Variants in LARGE1 observed in about 807,000 individuals in gnomAD.
The protein encoded by LARGE1 is LARGE xylosyl- and glucuronyltransferase 1.
Under a neutral mutation model 87.6 loss-of-function variants are expected in LARGE1, and 43 were observed. That is an observed-to-expected ratio of 0.49 (90% CI 0.38 to 0.63). The LOEUF is 0.63. Among genes scored for constraint, LARGE1 ranks in the 30% least tolerant of loss-of-function variants. The pLI is 0.00. For synonymous variants in LARGE1, 434 were observed against 394.6 expected (o/e 1.10, Z -1.18); for missense variants, 802 against 1,000.2 (o/e 0.80, Z 2.67).
At chr22:33,317,806 G>A (rs972420027) in intron 10 of LARGE1, among the ~76,000 whole-genome samples, 3 of 152,154 alleles carry the variant, frequency 2.0e-5, no homozygotes, top group African/African-American at 7.2e-5. Context: ...TTGGACTCGG[G>A]CATGTGGGGT....
chr22:33,641,079 T>G (rs1400540409), intron 3 of LARGE1, among the ~76,000 whole-genome samples: 4 of 151,134 alleles, frequency 2.6e-5, no homozygotes, highest in Non-Finnish European at 1.5e-5. Flanking sequence ...AGGGATAGAC[T>G]CCGCCTCCTC....
chr22:33,201,785 A>C (rs1178341375), intron 11 of LARGE1, among the ~76,000 whole-genome samples: 1 of 152,160 alleles, frequency 6.6e-6, no homozygotes, highest in East Asian at 1.9e-4. Flanking sequence ...CCATGAACGA[A>C]ATGGAGATCC....
At chr22:33,639,778 A>C (rs1303158050) in intron 3 of LARGE1, among the ~76,000 whole-genome samples, 3 of 152,264 alleles carry the variant, frequency 2.0e-5, no homozygotes, top group Non-Finnish European at 2.9e-5. Context: ...GCATGAGTGA[A>C]GATCAAAGGG....
intron 1 of LARGE1, among the ~76,000 whole-genome samples, chr22:33,772,634 A>C (rs1052677713): frequency 1.3e-5 from 2 of 152,110 alleles, no homozygotes; most frequent in Non-Finnish European, 2.9e-5. Context: ...CCTATGCCTC[A>C]GTAGCCCCCT....
At chr22:33,672,088 T>G (rs945467966) in intron 2 of LARGE1, among the ~76,000 whole-genome samples, 1 of 152,096 alleles carries the variant, frequency 6.6e-6, no homozygotes, top group Non-Finnish European at 1.5e-5. Context: ...AGCTACATAT[T>G]AGGTAATAAA....
chr22:33,782,569 AT>A (rs1436772700), intron 1 of LARGE1, among the ~76,000 whole-genome samples: 1 of 152,202 alleles, frequency 6.6e-6, no homozygotes, highest in Non-Finnish European at 1.5e-5. Flanking sequence ...TACTACCAAA[AT>A]AAAGAATCAA....
At chr22:33,713,388 C>T (rs2082801304) in intron 2 of LARGE1, among the ~76,000 whole-genome samples, 1 of 152,126 alleles carries the variant, frequency 6.6e-6, no homozygotes, top group Admixed American at 6.5e-5. Context: ...CCCTGCTATT[C>T]CACTAGTACA....
At chr22:33,788,526 G>A (rs2085723643) in intron 1 of LARGE1, among the ~76,000 whole-genome samples, 1 of 152,208 alleles carries the variant, frequency 6.6e-6, no homozygotes, top group Non-Finnish European at 1.5e-5. Flanking sequence ...AAGAGGACAG[G>A]AAGATGTGGG....
intron 4 of LARGE1, among the ~76,000 whole-genome samples, chr22:33,612,162 G>A (rs1204816145): frequency 6.7e-6 from 1 of 150,314 alleles, no homozygotes; most frequent in Non-Finnish European, 1.5e-5. Flanking sequence ...AGAGTGCAGT[G>A]GCATGGTCTT....
chr22:33,866,722 T>C (rs968022961), intron 1 of LARGE1, among the ~76,000 whole-genome samples: 21 of 152,206 alleles, frequency 1.4e-4, no homozygotes, highest in African/African-American at 5.1e-4. Flanking sequence ...GACACCCTTA[T>C]GGTGCACGGT....
Position 33,163,555 on chromosome 22 carries a change from C to T in LARGE1, c.*3208G>A, listed in dbSNP as rs373781800. The T allele has an allele frequency of 2.0e-5, 3 of 152,334 alleles. No individual in the cohort carries two copies. In the East Asian group the frequency reaches 5.8e-4, roughly 29 times the overall value. The allele number at this position is 152,334 out of a possible 1,614,324, so 9.4% of individuals were successfully genotyped here. On this transcript the variant is annotated 3_prime_UTR_variant, in exon 12 of 12. Coordinates refer to the LARGE1 transcript ENST00000608642. The stretch of plus-strand genomic sequence containing the variant: ...ATACAAAAATAAGACTTAATACAGA[C>T]GATGGCATGGGCTTAGTAACTACCC...
chr22:33,218,521 C>T (rs1237582661), intron 11 of LARGE1, among the ~76,000 whole-genome samples: 2 of 152,160 alleles, frequency 1.3e-5, no homozygotes, highest in East Asian at 3.9e-4. Context: ...CCCCATAACA[C>T]TCTAGCTTCT....
the LARGE1 span, among the ~76,000 whole-genome samples, chr22:33,078,512 GA>G: frequency 2.0e-5 from 3 of 152,162 alleles, no homozygotes; most frequent in Admixed American, 1.3e-4. Flanking sequence ...TCGAGGCACA[GA>G]AAAATAAGTT....
At chr22:33,566,657 G>A (rs2078036260) in intron 5 of LARGE1, among the ~76,000 whole-genome samples, 1 of 152,190 alleles carries the variant, frequency 6.6e-6, no homozygotes, top group East Asian at 1.9e-4. Flanking sequence ...GCCGCTGCTG[G>A]CTGGGGTGGC....
At chr22:33,848,005 G>A (rs2063482234) in intron 1 of LARGE1, among the ~76,000 whole-genome samples, 1 of 152,156 alleles carries the variant, frequency 6.6e-6, no homozygotes, top group African/African-American at 2.4e-5. Flanking sequence ...AGAGTCTGAG[G>A]GACCCCAAAA....
intron 1 of LARGE1, among the ~76,000 whole-genome samples, chr22:33,915,262 C>T (rs1237936056): frequency 6.6e-6 from 1 of 152,134 alleles, no homozygotes; most frequent in East Asian, 1.9e-4. Context: ...GCACACATGC[C>T]CACCTACCCT....
chr22:33,847,765 G>A (rs897356409), intron 1 of LARGE1, among the ~76,000 whole-genome samples: 4 of 152,144 alleles, frequency 2.6e-5, no homozygotes, highest in Non-Finnish European at 5.9e-5. Flanking sequence ...AACAGTTCCT[G>A]GTTTTCACCA....
At chr22:33,743,355 A>T (rs904001774) in intron 2 of LARGE1, among the ~76,000 whole-genome samples, 2 of 152,110 alleles carry the variant, frequency 1.3e-5, no homozygotes, top group Non-Finnish European at 1.5e-5. Flanking sequence ...CCAGCCATGG[A>T]TCACTCGTCC....
intron 13 of LARGE1, among the ~76,000 whole-genome samples, chr22:33,279,495 C>T (rs1336804701): frequency 6.6e-6 from 1 of 152,164 alleles, no homozygotes; most frequent in African/African-American, 2.4e-5. Flanking sequence ...GCTGGACTCC[C>T]CCCAAACCCT....
Sources: gnomAD v4.1 joint callset for allele counts (sites outside exome capture counted in the v4.1 genomes callset) on GRCh38, gnomAD v4.1.1 for gene constraint, MANE v1.5 for transcripts, NCBI Gene and HGNC (gene_info 2026-07-23, HGNC 2026-07-21) for gene names.